The following PDE1A variants were observed in gnomAD, a reference collection of about 807,000 sequenced individuals.
The protein encoded by PDE1A is dual specificity calcium/calmodulin-dependent 3',5'-cyclic nucleotide phosphodiesterase 1A.
Under a neutral mutation model 61.7 loss-of-function variants are expected in PDE1A, and 35 were observed. That is an observed-to-expected ratio of 0.57 (90% confidence interval 0.43 to 0.75). PDE1A has a LOEUF of 0.75. PDE1A is among the 30% of genes least tolerant of loss of function. The pLI is 0.00. For synonymous variants in PDE1A, 232 were observed against 213.2 expected, an observed-to-expected ratio of 1.09 and a Z score of -0.77; for missense variants, 597 against 630.6, an observed-to-expected ratio of 0.95 and a Z score of 0.57.
chr2:182,472,681 A>G (rs918860313), intron 2 of PDE1A, among the ~76,000 whole-genome samples: 6 of 151,870 alleles, frequency 4.0e-5, no homozygotes, highest in Non-Finnish European at 5.9e-5. Context: ...ATGTAGCAAA[A>G]TTGCACTTGT....
At chr2:182,381,802 A>G (rs1372824866) in intron 1 of PDE1A, among the ~76,000 whole-genome samples, 1 of 151,650 alleles carries the variant, frequency 6.6e-6, no homozygotes, top group East Asian at 1.9e-4. Context: ...ACAGAGCGAG[A>G]CTCTGTCTCA....
At chr2:182,308,846 T>C (rs1265068640) in intron 1 of PDE1A, among the ~76,000 whole-genome samples, 1 of 152,080 alleles carries the variant, frequency 6.6e-6, no homozygotes, top group Non-Finnish European at 1.5e-5. Flanking sequence ...CTAACATTGA[T>C]TAAAATTCAG....
chr2:182,169,800 C>A (rs1349493247), intron 13 of PDE1A, among the ~76,000 whole-genome samples: 1 of 151,782 alleles, frequency 6.6e-6, no homozygotes, highest in Admixed American at 6.6e-5. Context: ...TTATCATCAC[C>A]AAGCCAGCTA....
chr2:182,170,457 T>C (rs1487179515), intron 13 of PDE1A, among the ~76,000 whole-genome samples: 2 of 151,500 alleles, frequency 1.3e-5, no homozygotes, highest in African/African-American at 4.8e-5. Flanking sequence ...AGAAGTAGAT[T>C]TGATGAAGCA....
At chr2:182,310,094 T>C (rs191966221) in intron 1 of PDE1A, among the ~76,000 whole-genome samples, 2 of 152,244 alleles carry the variant, frequency 1.3e-5, no homozygotes, top group East Asian at 3.9e-4. Flanking sequence ...AAATGAAATC[T>C]GCAGAAAGAA....
chr2:182,178,794 G>C (rs2125361032), intron 13 of PDE1A, among the ~76,000 whole-genome samples: 2 of 152,182 alleles, frequency 1.3e-5, no homozygotes, highest in Admixed American at 1.3e-4. Flanking sequence ...CAATGAGAAG[G>C]AGAAGAAAAG....
At chr2:182,185,308 C>T (rs1340927632) in intron 13 of PDE1A, among the ~76,000 whole-genome samples, 1 of 152,148 alleles carries the variant, frequency 6.6e-6, no homozygotes, top group African/African-American at 2.4e-5. Context: ...AAGATAATAA[C>T]TGTTTGAATA....
the PDE1A span, among the ~76,000 whole-genome samples, chr2:182,705,266 ATCT>A: frequency 2.0e-5 from 3 of 152,214 alleles, no homozygotes; most frequent in Admixed American, 2.0e-4. Flanking sequence ...AGTGGGTGAC[ATCT>A]TCTGCTGGCT....
chr2:182,618,540 GA>G, the PDE1A span, among the ~76,000 whole-genome samples: 4 of 151,512 alleles, frequency 2.6e-5, no homozygotes, highest in South Asian at 2.1e-4. Context: ...TCTACACTAA[GA>G]ATCATTGTTG....
intron 1 of PDE1A, among the ~76,000 whole-genome samples, chr2:182,366,931 T>C (rs552539051): frequency 1.3e-5 from 2 of 152,130 alleles, no homozygotes; most frequent in African/African-American, 2.4e-5. Flanking sequence ...TATTAAATCA[T>C]TGTGGGCTTT....
intron 1 of PDE1A, among the ~76,000 whole-genome samples, chr2:182,375,431 A>T (rs1700347105): frequency 6.6e-6 from 1 of 152,216 alleles, no homozygotes; most frequent in African/African-American, 2.4e-5. Context: ...AGGACAGTCA[A>T]ATTTTAAAGC....
chr2:182,164,923 C>A (rs1381051614), downstream of PDE1A, among the ~76,000 whole-genome samples: 1 of 151,888 alleles, frequency 6.6e-6, no homozygotes, highest in Non-Finnish European at 1.5e-5. Context: ...TCCTATTCCA[C>A]ACAGCATTGT....
At chr2:182,553,983 C>A in the PDE1A span, among the ~76,000 whole-genome samples, 2 of 152,198 alleles carry the variant, frequency 1.3e-5, no homozygotes, top group African/African-American at 4.8e-5. Context: ...CAATGGAAAT[C>A]ATCACAGACT....
intron 13 of PDE1A, among the ~76,000 whole-genome samples, chr2:182,178,996 G>A (rs1041226017): frequency 1.5e-4 from 23 of 152,008 alleles, no homozygotes; most frequent in African/African-American, 5.6e-4. Flanking sequence ...TAGTCCCCAG[G>A]GACTGCAATG....
Position 182,520,814 on chromosome 2 carries a change from A to T in PDE1A, c.101+1462T>A, listed in dbSNP as rs546809564. Among the ~76,000 whole-genome samples, 4 of 152,110 alleles carry T rather than the reference A, an allele frequency of 2.6e-5. No homozygotes were observed. The South Asian group carries it at 8.3e-4, about 32-fold the overall frequency. On this transcript the variant is annotated intron_variant, in intron 2 of 14. Transcript: ENST00000410103. ...TCCCGGTACTGATGTTCATCCACTC[A>T]TTAGGCTAAAACACAAATCATCTGC...
At chr2:182,696,096 C>G in the PDE1A span, among the ~76,000 whole-genome samples, 1 of 152,200 alleles carries the variant, frequency 6.6e-6, no homozygotes, top group Non-Finnish European at 1.5e-5. Flanking sequence ...TAAGATCCAG[C>G]AATTGCACTC....
At chr2:182,449,377 G>A (rs1247467445) in intron 2 of PDE1A, among the ~76,000 whole-genome samples, 15 of 151,608 alleles carry the variant, frequency 9.9e-5, no homozygotes, top group East Asian at 1.9e-4. Context: ...GAGGACGAGC[G>A]GGCAAAATAA....
chr2:182,407,329 ATTTGAG>A (rs1458272924), intron 1 of PDE1A, among the ~76,000 whole-genome samples: 1 of 79,878 alleles, frequency 1.3e-5, no homozygotes, highest in Non-Finnish European at 2.8e-5. Flanking sequence ...GTTCAGGATA[ATTTGAG>A]TTTAAGTACA....
chr2:182,664,352 C>A, the PDE1A span, among the ~76,000 whole-genome samples: 1 of 152,054 alleles, frequency 6.6e-6, no homozygotes, highest in Non-Finnish European at 1.5e-5. Flanking sequence ...AATATAAATG[C>A]CCATCAATGA....
Sources: allele counts gnomAD v4.1 joint callset (sites outside exome capture counted in the v4.1 genomes callset), GRCh38; gene constraint gnomAD v4.1.1; transcripts MANE v1.5; gene names NCBI Gene and HGNC (gene_info 2026-07-23, HGNC 2026-07-21).